DCBLD2: variants seen among roughly 807,000 people sequenced by gnomAD.
DCBLD2 encodes the protein discoidin, CUB and LCCL domain-containing protein 2.
In DCBLD2, 54 loss-of-function variants were observed where a neutral mutation model predicts 86.8. The ratio of observed to expected loss-of-function variants is 0.62; its 90% CI spans 0.50 to 0.78. The LOEUF is 0.78. Among genes scored for constraint, DCBLD2 ranks in the 30% least tolerant of loss-of-function variants. The pLI, the probability that DCBLD2 is intolerant of heterozygous loss-of-function variation, is 0.00. For synonymous variants in DCBLD2, 354 were observed against 341.3 expected (o/e 1.04, Z -0.41); for missense variants, 908 against 954.2 (o/e 0.95, Z 0.64).
chr3:98,866,977 T>G (rs1170593388), intron 2 of DCBLD2, among the ~76,000 whole-genome samples: 3 of 152,228 alleles, frequency 2.0e-5, no homozygotes, highest in Non-Finnish European at 4.4e-5. Flanking sequence ...CTTTCCCCAT[T>G]TCTTGTTTTT....
Position 98,812,391 on chromosome 3 carries a change from T to C in DCBLD2, c.1304A>G (p.Gln435Arg). The C allele has an allele frequency of 6.2e-7, 1 of 1,613,508 alleles. No homozygotes were observed. ...TTTCATGGCAATTTTCTGCTGCCAT[T>C]GGGTAGGATTCACTCTAATAAAACG... ...IARFIRVNPT[Q>R]WQQKIAMKME... The change falls in exon 10 of 16, where the codon CAA (glutamine) becomes CGA (arginine). Residue 435 changes from glutamine (Q) to arginine (R), a missense_variant. By Grantham distance (43) the Gln-to-Arg change is conservative (BLOSUM62 1). Coordinates refer to ENST00000326840, the MANE Select transcript of DCBLD2 (RefSeq NM_080927.4).
At position 98,801,661 on chromosome 3, in the gene DCBLD2, C is replaced by T. The variant is rs754216533; in HGVS notation, c.1671-12G>A. ...CAGTTTTTTTCTTTCTGGAAAAATACAGAAGAGAAGTTAGCAAACAGAGTA... is the reference window on the plus strand; with the variant it reads ...CAGTTTTTTTCTTTCTGGAAAAATATAGAAGAGAAGTTAGCAAACAGAGTA... On this transcript the variant is annotated splice_polypyrimidine_tract_variant and intron_variant, in intron 13 of 15. Coordinates refer to ENST00000326840, the MANE Select transcript of DCBLD2 (RefSeq NM_080927.4). 10 of 1,600,290 alleles carry T rather than the reference C, an allele frequency of 6.2e-6. No homozygotes were observed. In the South Asian group the frequency reaches 6.8e-5, roughly 11 times the overall value.
intron 3 of DCBLD2, among the ~76,000 whole-genome samples, chr3:98,838,624 T>A (rs547867162): frequency 1.3e-5 from 2 of 151,946 alleles, no homozygotes; most frequent in South Asian, 2.1e-4. Flanking sequence ...GCAGAGACAC[T>A]CTTCACTTCC....
Position 98,901,213 on chromosome 3 carries a change from G to A in DCBLD2, c.114C>T (p.Pro38=), listed in dbSNP as rs780798187. Residue 38 remains proline (P), a synonymous_variant, in exon 1 of 16, where the codon CCC becomes CCT. Coordinates refer to ENST00000326840, the MANE Select transcript of DCBLD2 (RefSeq NM_080927.4). ...TGGAGAAGGAGGAGGAGTTGGAGCA[G>A]GGAGGGAGGGAGCGGGAGAGGGGGA... ...AALPLSRSLP[P]CSNSSSFSMP... 16 of 1,535,258 alleles carry A rather than the reference G, an allele frequency of 1.0e-5. No individual in the cohort carries two copies. Among genetic ancestry groups the A allele is most frequent in the South Asian group, 2.4e-5 (2 of 83,972 alleles).
intron 2 of DCBLD2, among the ~76,000 whole-genome samples, 182 bp from the exon 3 acceptor site, chr3:98,849,780 G>A (rs762341706): frequency 1.3e-5 from 2 of 152,084 alleles, no homozygotes; most frequent in African/African-American, 2.4e-5. Context: ...GACAAGTAAT[G>A]TCTATTCAAA....
chr3:98,831,400 C>CA (rs955465812), intron 3 of DCBLD2, among the ~76,000 whole-genome samples: 1 of 151,180 alleles, frequency 6.6e-6, no homozygotes, highest in African/African-American at 2.4e-5. Flanking sequence ...TAATTTTTTT[C>CA]AAAAAACCAA....
chr3:98,843,144 C>T (rs981383480), intron 3 of DCBLD2, among the ~76,000 whole-genome samples: 3 of 152,102 alleles, frequency 2.0e-5, no homozygotes, highest in Non-Finnish European at 4.4e-5. Context: ...TCGTCAGCAC[C>T]TTTGTTCTAC....
chr3:98,838,498 G>T (rs1221430755), intron 3 of DCBLD2, among the ~76,000 whole-genome samples: 2 of 146,766 alleles, frequency 1.4e-5, no homozygotes, highest in Non-Finnish European at 3.0e-5. Flanking sequence ...TGGCAGCTGG[G>T]AAGAGGCGCT....
chr3:98,878,696 G>A (rs1943411734), intron 2 of DCBLD2, among the ~76,000 whole-genome samples: 1 of 152,092 alleles, frequency 6.6e-6, no homozygotes, highest in Non-Finnish European at 1.5e-5. Context: ...AGGACCAGTG[G>A]GTATACGGTA....
chr3:98,863,720 G>A (rs1481756351), intron 2 of DCBLD2, among the ~76,000 whole-genome samples: 2 of 152,088 alleles, frequency 1.3e-5, no homozygotes, highest in East Asian at 3.8e-4. Context: ...ACTCAAGATG[G>A]ATTAAAGACT....
chr3:98,892,705 A>G (rs1170237970), intron 1 of DCBLD2, among the ~76,000 whole-genome samples: 2 of 151,984 alleles, frequency 1.3e-5, no homozygotes, highest in African/African-American at 4.8e-5. Flanking sequence ...TTCTCCTTCT[A>G]CCTTAATCAG....
chr3:98,889,697 T>C (rs754402892), intron 1 of DCBLD2, among the ~76,000 whole-genome samples: 4 of 152,066 alleles, frequency 2.6e-5, no homozygotes, highest in Non-Finnish European at 5.9e-5. Context: ...TATCCTAACA[T>C]TGCCTATAAA....
chr3:98,840,937 G>A (rs544719801), intron 3 of DCBLD2, among the ~76,000 whole-genome samples: 2 of 152,178 alleles, frequency 1.3e-5, no homozygotes, highest in African/African-American at 4.8e-5. Context: ...AGATAACAGC[G>A]ATGGCAGTAG....
At position 98,828,953 on chromosome 3, in the gene DCBLD2, T is replaced by C. The variant is rs148162916; in HGVS notation, c.572-3587A>G. 2.5e-3 allele frequency among the ~76,000 whole-genome samples: 378 copies of C among 152,298 alleles called. 7 individuals carry two copies. The highest frequency in any genetic ancestry group is 8.9e-3 in the African/African-American group (368 of 41,572). On this transcript the variant is annotated intron_variant, in intron 3 of 15. Coordinates refer to ENST00000326840, the MANE Select transcript of DCBLD2 (RefSeq NM_080927.4). ...ATACATTTATATGAAATGTTTCGAA[T>C]AGGCAAATCTATAGCAATAAAAAGT...
At chr3:98,843,470 A>G (rs1349779573) in intron 3 of DCBLD2, among the ~76,000 whole-genome samples, 2 of 152,158 alleles carry the variant, frequency 1.3e-5, no homozygotes, top group African/African-American at 4.8e-5. Flanking sequence ...TTCACACTCT[A>G]TTTTCAAAGC....
Position 98,799,335 on chromosome 3 carries a change from G to A in DCBLD2, c.*37C>T. 6.5e-7 allele frequency: 1 copy of A among 1,540,282 alleles called. No homozygotes were observed. Among genetic ancestry groups the A allele is most frequent in the Non-Finnish European group, 8.8e-7 (1 of 1,142,686 alleles). Reference sequence around the variant, plus strand: ...AATAATTAAAAAAAAAAGGCCATGTGCTTTAAAACGATGCTTTGTAAAAAG... The same window carrying A: ...AATAATTAAAAAAAAAAGGCCATGTACTTTAAAACGATGCTTTGTAAAAAG... On this transcript the variant is annotated 3_prime_UTR_variant, in exon 16 of 16. Coordinates refer to ENST00000326840, the MANE Select transcript of DCBLD2 (RefSeq NM_080927.4).
At chr3:98,862,458 C>A (rs1241089217) in intron 2 of DCBLD2, among the ~76,000 whole-genome samples, 2 of 152,106 alleles carry the variant, frequency 1.3e-5, no homozygotes, top group Non-Finnish European at 2.9e-5. Context: ...AACATCGATG[C>A]AAAAATCCTC....
chr3:98,841,504 C>T (rs1290437542), intron 3 of DCBLD2, among the ~76,000 whole-genome samples: 1 of 152,054 alleles, frequency 6.6e-6, no homozygotes, highest in Non-Finnish European at 1.5e-5. Context: ...TTTATGTTAA[C>T]AAATGAATCA....
At chr3:98,871,912 C>CGTT (rs377192059) in intron 2 of DCBLD2, among the ~76,000 whole-genome samples, 2 of 152,008 alleles carry the variant, frequency 1.3e-5, no homozygotes, top group Admixed American at 1.3e-4. Flanking sequence ...CCTGGGCATT[C>CGTT]GTTGTTGTTG....
Sources: allele counts gnomAD v4.1 joint callset (sites outside exome capture counted in the v4.1 genomes callset), GRCh38; gene constraint gnomAD v4.1.1; transcripts MANE v1.5; gene names NCBI Gene and HGNC (gene_info 2026-07-23, HGNC 2026-07-21).